Variants in RGMB observed in about 807,000 individuals in gnomAD.
RGMB encodes the protein repulsive guidance molecule BMP co-receptor b, also known as repulsive guidance molecule B.
In RGMB, 16 loss-of-function variants were observed where a neutral mutation model predicts 26.9. The ratio of observed to expected loss-of-function variants is 0.60; its 90% CI spans 0.40 to 0.90. The LOEUF is 0.90. RGMB is among the 40% of genes least tolerant of loss of function. The probability of loss-of-function intolerance (pLI) is 0.00; values close to 1 mark genes in which losing one functional copy is unlikely to be tolerated. For missense variants in RGMB, 512 were observed against 573.3 expected, an observed-to-expected ratio of 0.89 and a Z score of 1.09; for synonymous variants, 225 against 229.3, an observed-to-expected ratio of 0.98 and a Z score of 0.17.
chr5:98,771,749 A>C (rs1746171220), upstream of RGMB: 1 of 152,202 alleles, frequency 6.6e-6, no homozygotes, highest in Admixed American at 6.5e-5. Context: ...TGATAGGAAA[A>C]TCTAGAGCAC....
Position 98,793,468 on chromosome 5 carries a change from G to T in RGMB, c.1029G>T (p.Val343=). The change falls in exon 3 of 3, where the codon GTG becomes GTT. Residue 343 remains valine (V), a synonymous_variant. Coordinates refer to ENST00000513185, the MANE Select transcript of RGMB (RefSeq NM_001366508.1). ...ACAGCCTGCCTCGCACCTCCTTGGT[G>T]CAGGCCTGGCCTGGCTACACACTGG... The part of the protein sequence containing the change: ...LGHSLPRTSL[V]QAWPGYTLET... 6.2e-7 allele frequency: 1 copy of T among 1,613,066 alleles called. No individual in the cohort carries two copies.
Position 98,793,853 on chromosome 5 carries a change from C to CT in RGMB, c.*100_*101insT. On this transcript the variant is annotated 3_prime_UTR_variant, in exon 3 of 3. Transcript: ENST00000513185. ...GAGTAAAAGAGTATATATGTATATA[C>CT]CATGTATATGACAGGATGTTTGTCC... is the stretch of plus-strand genomic sequence containing the variant. The CT allele has an allele frequency of 1.8e-5, 16 of 908,994 alleles. No individual in the cohort carries two copies. Among genetic ancestry groups the CT allele is most frequent in the Non-Finnish European group, 2.4e-5 (15 of 619,798 alleles). The allele number at this position is 908,994 out of a possible 1,614,324, so 56.3% of individuals were successfully genotyped here.
At chr5:98,788,140 T>C (rs957393413) in intron 2 of RGMB, among the ~76,000 whole-genome samples, 1 of 152,346 alleles carries the variant, frequency 6.6e-6, no homozygotes, top group East Asian at 1.9e-4. Context: ...CTGATACCTC[T>C]TTTTAAGGTA....
At chr5:98,778,988 G>C (rs918838145) in intron 1 of RGMB, among the ~76,000 whole-genome samples, 1 of 151,574 alleles carries the variant, frequency 6.6e-6, no homozygotes, top group Non-Finnish European at 1.5e-5. Flanking sequence ...CTTGGTAAAC[G>C]TGCCTCAGGA....
At position 98,793,414 on chromosome 5, in the gene RGMB, GCAGGGC is replaced by G; in HGVS notation, c.980_985del (p.Gly327_Gln328del). 1.9e-6 allele frequency: 3 copies of G among 1,612,466 alleles called. No individual in the cohort carries two copies. The highest frequency in any genetic ancestry group is 2.5e-6 in the Non-Finnish European group (3 of 1,179,354). On this transcript the variant is annotated inframe_deletion, in exon 3 of 3. Transcript: ENST00000513185. ...CCCTGAGTGAACGCATCGATGACGGGCAGGGCCAGGTGTCTGCCATCCTGGGACACA... is the reference window on the plus strand; with the variant it reads ...CCCTGAGTGAACGCATCGATGACGGGCAGGTGTCTGCCATCCTGGGACACA...
intron 2 of RGMB, among the ~76,000 whole-genome samples, chr5:98,783,790 T>A (rs1257614095): frequency 6.6e-6 from 1 of 152,242 alleles, no homozygotes; most frequent in Non-Finnish European, 1.5e-5. Flanking sequence ...TATTCCTTTT[T>A]CAAAAACAAT....
Position 98,780,051 on chromosome 5 carries a change from C to T in RGMB, c.608C>T (p.Pro203Leu), listed in dbSNP as rs1012804101. The change falls in exon 2 of 3, where the codon CCT (proline) becomes CTT (leucine). Residue 203 changes from proline (P) to leucine (L), a missense_variant. Pro to Leu is a moderately conservative substitution (Grantham distance 98, BLOSUM62 -3). Coordinates refer to ENST00000513185, the MANE Select transcript of RGMB (RefSeq NM_001366508.1). ...CTTTCAGTTCAAGTGACAAACGTAC[C>T]TGTGGTCCCTGGATCCAGTGCTACT... ...NYLSVQVTNV[P>L]VVPGSSATAT... 6.2e-7 allele frequency: 1 copy of T among 1,612,798 alleles called. No homozygotes were observed. Among genetic ancestry groups the T allele is most frequent in the Non-Finnish European group, 8.5e-7 (1 of 1,179,858 alleles).
rs781011078 is a variant in RGMB at position 98,780,048 on chromosome 5, T to A, written c.605T>A (p.Val202Glu). 1.5e-5 allele frequency: 25 copies of A among 1,613,118 alleles called. No homozygotes were observed. In the South Asian group the frequency reaches 2.6e-4, roughly 17 times the overall value. Reference sequence around the variant, plus strand: ...TATCTTTCAGTTCAAGTGACAAACGTACCTGTGGTCCCTGGATCCAGTGCT... The same window carrying A: ...TATCTTTCAGTTCAAGTGACAAACGAACCTGTGGTCCCTGGATCCAGTGCT... ...NNYLSVQVTNVPVVPGSSATA... is the reference protein window; with the variant it reads ...NNYLSVQVTNEPVVPGSSATA... The change falls in exon 2 of 3, where the codon GTA becomes GAA. Residue 202 changes from valine to glutamate, a missense_variant. Transcript: ENST00000513185.
At chr5:98,787,499 G>C (rs2662259) in intron 2 of RGMB, among the ~76,000 whole-genome samples, 1 of 152,110 alleles carries the variant, frequency 6.6e-6, no homozygotes, top group African/African-American at 2.4e-5. Flanking sequence ...TCACCTTTCA[G>C]AATATTTTTA....
chr5:98,780,029 T>C lies in RGMB; in HGVS notation c.586T>C (p.Ser196Pro). The part of the protein sequence containing the change: ...AWPLIDNNYL[S>P]VQVTNVPVVP... ...GCCACTCATAGATAATAATTATCTT[T>C]CAGTTCAAGTGACAAACGTACCTGT... The change falls in exon 2 of 3, where the codon TCA (serine) becomes CCA (proline). Residue 196 changes from serine to proline, a missense_variant. By Grantham distance (74) the Ser-to-Pro change is moderately conservative. Transcript: ENST00000513185. The C allele has an allele frequency of 6.2e-7, 1 of 1,613,872 alleles. No homozygotes were observed. The highest frequency in any genetic ancestry group is 8.5e-7 in the Non-Finnish European group (1 of 1,179,894).
At chr5:98,789,282 C>T (rs1057064607) in intron 2 of RGMB, among the ~76,000 whole-genome samples, 2 of 152,186 alleles carry the variant, frequency 1.3e-5, no homozygotes, top group Non-Finnish European at 2.9e-5. Flanking sequence ...TGATTAAACA[C>T]AGATAAATGT....
chr5:98,773,190 G>C (rs1418726587), upstream of RGMB: 1 of 152,120 alleles, frequency 6.6e-6, no homozygotes, highest in East Asian at 1.9e-4. Flanking sequence ...CTTCCTCCAA[G>C]GAGGTGGAGC....
rs760209082 is a variant in RGMB, at chr5:98,796,233, G to A, written c.*2480G>A. The A allele has an allele frequency of 2.6e-5, 4 of 152,042 alleles. No individual in the cohort carries two copies. The highest frequency in any genetic ancestry group is 4.4e-5 in the Non-Finnish European group (3 of 68,036). The allele number at this position is 152,042 out of a possible 1,614,324, so 9.4% of individuals were successfully genotyped here. The stretch of plus-strand genomic sequence containing the variant: ...CTATAGCTGTTCAGAGGTCTCCTGG[G>A]GGAGCTTAAAACGGGGGAAACACTG... On this transcript the variant is annotated 3_prime_UTR_variant, in exon 3 of 3. Coordinates refer to ENST00000513185, the MANE Select transcript of RGMB (RefSeq NM_001366508.1).
At chr5:98,776,222 C>A (rs1415442291) in intron 1 of RGMB, among the ~76,000 whole-genome samples, 1 of 152,202 alleles carries the variant, frequency 6.6e-6, no homozygotes, top group Non-Finnish European at 1.5e-5. Flanking sequence ...AATGCTTTAG[C>A]ATGTTCAGTA....
upstream of RGMB, among the ~76,000 whole-genome samples, chr5:98,771,486 G>A (rs906675427): frequency 2.6e-5 from 4 of 152,170 alleles, no homozygotes; most frequent in Non-Finnish European, 5.9e-5. Context: ...ATTTACCCGC[G>A]AGTGTGTCAA....
At chr5:98,786,181 C>G (rs1746761897) in intron 2 of RGMB, among the ~76,000 whole-genome samples, 1 of 152,276 alleles carries the variant, frequency 6.6e-6, no homozygotes, top group African/African-American at 2.4e-5. Flanking sequence ...TTCTAATCTC[C>G]CTGACTGTGC....
Position 98,773,927 on chromosome 5 carries a change from G to C in RGMB, c.-144G>C. ...CGCTGCTTGCTGCGGCGGTGGTGGC[G>C]CCCCATCTGCTACACGGGCCTGAAG... On this transcript the variant is annotated 5_prime_UTR_variant, in exon 1 of 3. Coordinates refer to ENST00000513185, the MANE Select transcript of RGMB (RefSeq NM_001366508.1). 1 of 561,054 alleles carries C rather than the reference G, an allele frequency of 1.8e-6. No individual in the cohort carries two copies. The allele number at this position is 561,054 out of a possible 1,614,324, so 34.8% of individuals were successfully genotyped here. A position where few individuals can be genotyped will look rare whatever the true frequency, so the allele number is the denominator to read the frequency against.
chr5:98,790,188 A>T (rs1160602661), intron 2 of RGMB, among the ~76,000 whole-genome samples: 2 of 152,214 alleles, frequency 1.3e-5, no homozygotes, highest in South Asian at 4.1e-4. Context: ...ATTTACATTG[A>T]TTATATCTCT....
At chr5:98,781,250 T>C (rs983352813) in intron 2 of RGMB, 1 of 152,160 alleles carries the variant, frequency 6.6e-6, no homozygotes, top group Non-Finnish European at 1.5e-5. Flanking sequence ...GTGTCACAAA[T>C]TTAAGACTAG....
Sources: gnomAD v4.1 joint callset for allele counts (sites outside exome capture counted in the v4.1 genomes callset) on GRCh38, gnomAD v4.1.1 for gene constraint, MANE v1.5 for transcripts, NCBI Gene and HGNC (gene_info 2026-07-23, HGNC 2026-07-21) for gene names.